Variants in EPB41L4A observed in about 807,000 individuals in gnomAD.
EPB41L4A encodes erythrocyte membrane protein band 4.1 like 4A, also known as band 4.1-like protein 4A.
EPB41L4A carries 100 observed loss-of-function variants against 108.6 expected under a neutral mutation model. That is an observed-to-expected ratio of 0.92 (90% confidence interval 0.78 to 1.09). The LOEUF (loss-of-function observed/expected upper bound fraction) is 1.09, where lower values mean the gene tolerates loss of function less well. EPB41L4A is among the 50% of genes least tolerant of loss of function. The pLI is 0.00. For missense variants in EPB41L4A, 1,030 were observed against 842.7 expected (o/e 1.22, Z -2.75); for synonymous variants, 319 against 289.0 (o/e 1.10, Z -1.05).
intron 12 of EPB41L4A, among the ~76,000 whole-genome samples, chr5:112,225,458 G>A (rs1283406170): frequency 5.3e-5 from 8 of 152,128 alleles, no homozygotes; most frequent in Admixed American, 5.2e-4. Context: ...TGAGCTTATT[G>A]AGAATGTCTC....
intron 17 of EPB41L4A, among the ~76,000 whole-genome samples, chr5:112,193,873 C>T (rs921744657): frequency 1.3e-5 from 2 of 152,182 alleles, no homozygotes; most frequent in African/African-American, 4.8e-5. Flanking sequence ...GGACAAAACT[C>T]CCCCAGTTGA....
intron 15 of EPB41L4A, among the ~76,000 whole-genome samples, chr5:112,200,442 T>C (rs1251523383): frequency 1.3e-5 from 2 of 152,178 alleles, no homozygotes; most frequent in Non-Finnish European, 2.9e-5. Flanking sequence ...AAAATTCCCT[T>C]AAGTACCACA....
At chr5:112,334,997 G>A (rs1756826764) in intron 1 of EPB41L4A, among the ~76,000 whole-genome samples, 1 of 152,072 alleles carries the variant, frequency 6.6e-6, no homozygotes. Flanking sequence ...CCTATACTAG[G>A]GTACAGCCTC....
upstream of EPB41L4A, chr5:112,419,763 A>T (rs1458707728): frequency 2.2e-6 from 1 of 456,614 alleles, no homozygotes; most frequent in African/African-American, 2.0e-5. Context: ...CCTTACCCAG[A>T]CCAGCGAGGG....
rs117663972 is a variant in EPB41L4A, at chr5:112,300,873, G to A, written c.204+6513C>T. 7.9e-5 allele frequency among the ~76,000 whole-genome samples: 12 copies of A among 151,960 alleles called. No homozygotes were observed. In the East Asian group the frequency reaches 2.1e-3, roughly 27 times the overall value. On this transcript the variant is annotated intron_variant, in intron 2 of 22. Transcript: ENST00000261486. Reference sequence around the variant, plus strand: ...TTTTTTCTTAGTCTTTGTTGGACTGGGTTAATTTGATAACCTTATCTTCGA... The same window carrying A: ...TTTTTTCTTAGTCTTTGTTGGACTGAGTTAATTTGATAACCTTATCTTCGA...
At chr5:112,368,513 A>G (rs1230742025) in intron 1 of EPB41L4A, among the ~76,000 whole-genome samples, 1 of 151,844 alleles carries the variant, frequency 6.6e-6, no homozygotes, top group East Asian at 1.9e-4. Flanking sequence ...GCTACCACCC[A>G]CTGCTTCCCT....
intron 12 of EPB41L4A, among the ~76,000 whole-genome samples, chr5:112,221,299 T>C (rs1363451487): frequency 6.6e-6 from 1 of 152,240 alleles, no homozygotes; most frequent in Admixed American, 6.5e-5. Context: ...CTCCACTCTA[T>C]GCCACTTGAT....
chr5:112,214,908 T>C (rs907286755), intron 12 of EPB41L4A, among the ~76,000 whole-genome samples: 1 of 152,224 alleles, frequency 6.6e-6, no homozygotes, highest in African/African-American at 2.4e-5. Flanking sequence ...CAGATTATTC[T>C]GTGTTTCATT....
intron 9 of EPB41L4A, among the ~76,000 whole-genome samples, chr5:112,252,577 C>G (rs1458505847): frequency 1.3e-5 from 2 of 152,158 alleles, no homozygotes; most frequent in Non-Finnish European, 2.9e-5. Flanking sequence ...AGTTAGGTAC[C>G]TGTGTGAACT....
chr5:112,412,042 A>T (rs1371110550), intron 1 of EPB41L4A, among the ~76,000 whole-genome samples: 1 of 152,136 alleles, frequency 6.6e-6, no homozygotes, highest in African/African-American at 2.4e-5. Flanking sequence ...ACTCCACATT[A>T]CTAAATGCGC....
At chr5:112,175,763 T>C (rs2150215515) in intron 18 of EPB41L4A, among the ~76,000 whole-genome samples, 1 of 152,148 alleles carries the variant, frequency 6.6e-6, no homozygotes, top group East Asian at 1.9e-4. Context: ...TGAAGGATAA[T>C]TTTGATTGCT....
chr5:112,152,766 T>C (rs1181952080), intron 12 of EPB41L4A, among the ~76,000 whole-genome samples: 1 of 152,028 alleles, frequency 6.6e-6, no homozygotes, highest in Non-Finnish European at 1.5e-5. Flanking sequence ...TAAAGCACAC[T>C]AATACACACC....
At chr5:112,281,109 T>C (rs191014145) in intron 2 of EPB41L4A, among the ~76,000 whole-genome samples, 73 of 152,304 alleles carry the variant, frequency 4.8e-4, no homozygotes, top group Non-Finnish European at 9.1e-4. Flanking sequence ...ACCTTCCTCA[T>C]AAGGTTCCTG....
intron 1 of EPB41L4A, among the ~76,000 whole-genome samples, chr5:112,347,629 T>C (rs112458636): frequency 1.3e-5 from 2 of 152,338 alleles, no homozygotes; most frequent in African/African-American, 2.4e-5. Context: ...GGTAACAGAA[T>C]TCTCTTCTTC....
At chr5:112,366,828 A>G (rs1759149785) in intron 1 of EPB41L4A, among the ~76,000 whole-genome samples, 1 of 152,146 alleles carries the variant, frequency 6.6e-6, no homozygotes, top group Non-Finnish European at 1.5e-5. Context: ...TTGCATTTTT[A>G]TATTTGTGTG....
chr5:112,379,000 T>A (rs1212363831), intron 1 of EPB41L4A, among the ~76,000 whole-genome samples: 1 of 152,176 alleles, frequency 6.6e-6, no homozygotes, highest in African/African-American at 2.4e-5. Flanking sequence ...TGCAGGTGTC[T>A]ATGAGCGTGC....
chr5:112,357,377 T>A (rs1000425905), intron 1 of EPB41L4A, among the ~76,000 whole-genome samples: 1 of 152,102 alleles, frequency 6.6e-6, no homozygotes, highest in East Asian at 1.9e-4. Flanking sequence ...CAAAAGGCAA[T>A]GGTATAAAGA....
chr5:112,146,603 A>G (rs1759268109), intron 12 of EPB41L4A, among the ~76,000 whole-genome samples: 2 of 152,192 alleles, frequency 1.3e-5, no homozygotes, highest in Admixed American at 6.5e-5. Context: ...TAAAAAATTT[A>G]TTTTTGTCTA....
chr5:112,281,686 T>A (rs1752977775), intron 2 of EPB41L4A, among the ~76,000 whole-genome samples: 1 of 152,242 alleles, frequency 6.6e-6, no homozygotes. Flanking sequence ...TTCCCCACTT[T>A]CCTTCCCCTC....
Sources: gnomAD v4.1 joint callset for allele counts (sites outside exome capture counted in the v4.1 genomes callset) on GRCh38, gnomAD v4.1.1 for gene constraint, MANE v1.5 for transcripts, NCBI Gene and HGNC (gene_info 2026-07-23, HGNC 2026-07-21) for gene names.